The following PHF24 variants were observed in gnomAD, a reference collection of about 807,000 sequenced individuals.
PHF24 encodes the protein PHD finger protein 24.
PHF24 carries 25 observed loss-of-function variants against 42.6 expected under a neutral mutation model. The ratio of observed to expected loss-of-function variants is 0.59; its 90% CI spans 0.43 to 0.82. The LOEUF (loss-of-function observed/expected upper bound fraction) is 0.82, where lower values mean the gene tolerates loss of function less well. Among genes scored for constraint, PHF24 ranks in the 40% least tolerant of loss-of-function variants. The pLI, the probability that PHF24 is intolerant of heterozygous loss-of-function variation, is 0.00. For missense variants in PHF24, 470 were observed against 538.1 expected (o/e 0.87, Z 1.25); for synonymous variants, 185 against 204.8 (o/e 0.90, Z 0.83).
chr9:34,690,110 G>A, the PHF24 span: 2 of 1,586,150 alleles, frequency 1.3e-6, no homozygotes, highest in Non-Finnish European at 1.7e-6. Flanking sequence ...GGATTTCCTT[G>A]AAGGGGTTGG....
the PHF24 span, among the ~76,000 whole-genome samples, chr9:34,828,130 C>T: frequency 6.6e-6 from 1 of 152,000 alleles, no homozygotes; most frequent in Non-Finnish European, 1.5e-5. Context: ...ATTCCCCCTT[C>T]CCACAGCCAC....
chr9:34,900,035 C>T, the PHF24 span, among the ~76,000 whole-genome samples: 3 of 152,184 alleles, frequency 2.0e-5, no homozygotes, highest in South Asian at 6.2e-4. Context: ...AACTATGTCT[C>T]TCCCCTCACA....
At chr9:34,727,380 C>T in the PHF24 span, among the ~76,000 whole-genome samples, 1 of 152,216 alleles carries the variant, frequency 6.6e-6, no homozygotes, top group African/African-American at 2.4e-5. Context: ...CTAAGAAATC[C>T]AAAGCCTGTA....
chr9:34,690,009 C>G, the PHF24 span: 1 of 1,614,056 alleles, frequency 6.2e-7, no homozygotes, highest in Non-Finnish European at 8.5e-7. Context: ...CTGGCGGCCC[C>G]TCAGTGTGGT....
chr9:34,810,013 A>T, the PHF24 span, among the ~76,000 whole-genome samples: 7 of 143,852 alleles, frequency 4.9e-5, no homozygotes, highest in Admixed American at 4.1e-4. Context: ...GCCGCCGCCC[A>T]CGCGCCGCCG....
At chr9:34,832,701 T>A in the PHF24 span, 2 of 1,545,006 alleles carry the variant, frequency 1.3e-6, no homozygotes. Context: ...GGGCTTCTTT[T>A]GAGTATGGGC....
chr9:34,809,459 C>T, the PHF24 span, among the ~76,000 whole-genome samples: 2 of 152,158 alleles, frequency 1.3e-5, no homozygotes, highest in Non-Finnish European at 2.9e-5. The surrounding 1 kb of genome is among the most constrained non-coding windows in gnomAD (Gnocchi z 4.1). Context: ...GAGGTTGCTG[C>T]AGCAAAAAGT....
the PHF24 span, chr9:34,678,053 A>C: frequency 1.3e-5 from 2 of 152,212 alleles, no homozygotes; most frequent in African/African-American, 4.8e-5. Flanking sequence ...CCCACCCTTA[A>C]TGTGAGTGGG....
At chr9:34,870,342 G>A in the PHF24 span, among the ~76,000 whole-genome samples, 1 of 151,916 alleles carries the variant, frequency 6.6e-6, no homozygotes, top group Non-Finnish European at 1.5e-5. Context: ...ATTTTGATAA[G>A]TGTGAATCGA....
the PHF24 span, chr9:34,723,424 G>A: frequency 3.9e-6 from 6 of 1,551,754 alleles, no homozygotes; most frequent in Admixed American, 2.0e-5. Flanking sequence ...GGGCCTTGGA[G>A]CACCCTGTCG....
At chr9:34,957,975 C>T (rs2132838529), upstream of PHF24, among the ~76,000 whole-genome samples, 1 of 151,188 alleles carries the variant, frequency 6.6e-6, no homozygotes, top group African/African-American at 2.4e-5. Context: ...GCCGGGCGCT[C>T]GTGGGGGGCG....
At chr9:34,760,313 GA>G in the PHF24 span, among the ~76,000 whole-genome samples, 1 of 152,204 alleles carries the variant, frequency 6.6e-6, no homozygotes, top group South Asian at 2.1e-4. Flanking sequence ...GCCTTGTAAA[GA>G]AAAATGTGAC....
chr9:34,759,106 C>T, the PHF24 span, among the ~76,000 whole-genome samples: 1 of 152,286 alleles, frequency 6.6e-6, no homozygotes, highest in South Asian at 2.1e-4. Flanking sequence ...TGTTTCTAAT[C>T]AGCCATCTTG....
chr9:34,901,176 A>G, the PHF24 span, among the ~76,000 whole-genome samples: 2 of 152,236 alleles, frequency 1.3e-5, no homozygotes, highest in African/African-American at 4.8e-5. Context: ...TTTGAGTATG[A>G]AATAATACCA....
At chr9:34,927,687 AGAGGCC>A in the PHF24 span, among the ~76,000 whole-genome samples, 3 of 152,132 alleles carry the variant, frequency 2.0e-5, no homozygotes, top group African/African-American at 7.2e-5. Context: ...ACAGGGCTAT[AGAGGCC>A]CAGTGCTTCC....
the PHF24 span, among the ~76,000 whole-genome samples, chr9:34,844,396 TTTC>T: frequency 6.6e-6 from 1 of 152,142 alleles, no homozygotes; most frequent in East Asian, 1.9e-4. Flanking sequence ...GCTTGAGATC[TTTC>T]TTCTTTTTTG....
At chr9:34,826,226 C>T in the PHF24 span, among the ~76,000 whole-genome samples, 1 of 152,196 alleles carries the variant, frequency 6.6e-6, no homozygotes. Flanking sequence ...CTGGTCAGCC[C>T]TGTGAGGCAT....
At chr9:34,926,495 C>T in the PHF24 span, among the ~76,000 whole-genome samples, 1 of 152,164 alleles carries the variant, frequency 6.6e-6, no homozygotes, top group African/African-American at 2.4e-5. This position sits in a 1 kb window ranked among gnomAD's most constrained non-coding sequence, Gnocchi z 4.3. Context: ...CACAGCTGCA[C>T]AACTGCTTGA....
the PHF24 span, among the ~76,000 whole-genome samples, chr9:34,913,046 A>G: frequency 2.0e-5 from 3 of 152,192 alleles, no homozygotes; most frequent in African/African-American, 7.2e-5. Context: ...AGTATCTGAA[A>G]TAAAATATTT....
Sources: allele counts gnomAD v4.1 joint callset (sites outside exome capture counted in the v4.1 genomes callset), GRCh38; gene constraint gnomAD v4.1.1; non-coding constraint Gnocchi (gnomAD v3.1); transcripts MANE v1.5; gene names NCBI Gene and HGNC (gene_info 2026-07-23, HGNC 2026-07-21).